Variants in ZBED1 observed in about 807,000 individuals in gnomAD.
The protein encoded by ZBED1 is E3 SUMO-protein ligase ZBED1.
In ZBED1, 19 loss-of-function variants were observed where a neutral mutation model predicts 49.7. The ratio of observed to expected loss-of-function variants is 0.38; its 90% CI spans 0.27 to 0.56. ZBED1 has a LOEUF of 0.56. ZBED1 is among the 20% of genes least tolerant of loss of function. The pLI, the probability that ZBED1 is intolerant of heterozygous loss-of-function variation, is 0.70. For synonymous variants in ZBED1, 439 were observed against 440.3 expected, an observed-to-expected ratio of 1.00 and a Z score of 0.04; for missense variants, 806 against 972.6, an observed-to-expected ratio of 0.83 and a Z score of 2.28.
At chrX:2,495,285 T>A (rs1172470778) in intron 1 of ZBED1, among the ~76,000 whole-genome samples, 1 of 151,684 alleles carries the variant, frequency 6.6e-6, no homozygotes, top group Non-Finnish European at 1.5e-5. Flanking sequence ...TTATTATCAT[T>A]ATTCCTATTG....
At chrX:2,499,126 A>G (rs5939513) in intron 1 of ZBED1, among the ~76,000 whole-genome samples, 96,731 of 151,818 alleles carry the variant, frequency 0.64, 31,026 homozygotes, top group South Asian at 0.77. Flanking sequence ...GACCCCTGGG[A>G]TTCCTTCAGT....
intron 1 of ZBED1, among the ~76,000 whole-genome samples, chrX:2,496,200 G>T (rs1429224924): frequency 2.0e-5 from 3 of 151,782 alleles, no homozygotes; most frequent in Non-Finnish European, 4.4e-5. Flanking sequence ...TTGTTTTTTT[G>T]TTTTTTTGGT....
intron 1 of ZBED1, among the ~76,000 whole-genome samples, chrX:2,496,494 C>T (rs1257027262): frequency 2.0e-5 from 3 of 152,222 alleles, no homozygotes; most frequent in South Asian, 2.1e-4. Flanking sequence ...CCACCGCACC[C>T]GGCCCGCCAA....
At chrX:2,495,435 G>T (rs1569349741) in intron 1 of ZBED1, among the ~76,000 whole-genome samples, 1 of 152,040 alleles carries the variant, frequency 6.6e-6, no homozygotes, top group Admixed American at 6.6e-5. Context: ...GCTGAAACAG[G>T]TCTAGTACCT....
At chrX:2,493,701 G>A (rs755502485) in intron 1 of ZBED1, among the ~76,000 whole-genome samples, 16 of 152,202 alleles carry the variant, frequency 1.1e-4, no homozygotes, top group East Asian at 7.7e-4. Context: ...CAGGCACAGC[G>A]GCTCACGCCT....
intron 1 of ZBED1, among the ~76,000 whole-genome samples, chrX:2,498,277 T>C (rs1341302210): frequency 3.9e-5 from 6 of 152,124 alleles, no homozygotes; most frequent in African/African-American, 1.4e-4. Context: ...AGTGGGGAAA[T>C]TGGCCCTCTT....
intron 1 of ZBED1, among the ~76,000 whole-genome samples, chrX:2,499,893 A>C (rs934271560): frequency 1.3e-5 from 2 of 152,160 alleles, no homozygotes; most frequent in African/African-American, 2.4e-5. Flanking sequence ...ACTTTAAAAC[A>C]TTAGTCGGAT....
chrX:2,490,158 G>A lies in ZBED1; in HGVS notation c.562C>T (p.Leu188=). The A allele has an allele frequency of 6.2e-7, 1 of 1,613,968 alleles. No homozygotes were observed. The change falls in exon 2 of 2, where the codon CTG becomes TTG. Residue 188 remains leucine, a synonymous_variant. Transcript: ENST00000652001. ...ATGCCACACCAGGTGGCCTCGGCCA[G>A]CTCCTTCAGGATCACCTCCCGGACG... ...GAVREVILKE[L]AEATWCGIST...
In ZBED1 at chrX:2,489,905, C is replaced by A. The variant is rs1365692512; in HGVS notation, c.815G>T (p.Gly272Val). Reference sequence around the variant, plus strand: ...GGAGCACGCCTTCACGATGTCCTTGCCATAGTTGGTGGTGGCCCCGAAGAC... The same window carrying A: ...GGAGCACGCCTTCACGATGTCCTTGACATAGTTGGTGGTGGCCCCGAAGAC... ...AKVFGATTNY[G>V]KDIVKACSLL... is the part of the protein sequence containing the mutation. Residue 272 changes from glycine to valine, a missense_variant, in exon 2 of 2, where the codon GGC (glycine) becomes GTC (valine). Gly to Val is a moderately radical substitution (Grantham distance 109). Transcript: ENST00000652001. The A allele has an allele frequency of 6.2e-7, 1 of 1,613,890 alleles. No individual in the cohort carries two copies. Among genetic ancestry groups the A allele is most frequent in the Non-Finnish European group, 8.5e-7 (1 of 1,179,878 alleles).
In ZBED1 at chrX:2,489,732, A is replaced by G. The variant is rs1461045387; in HGVS notation, c.988T>C (p.Tyr330His). ...TGCTTCTGCTTCTCATAGAGCATGT[A>G]CATGGCCACGGCAGACTGCTGGAAG... Reference protein sequence around the residue: ...EYFQQSAVAMYMLYEKQKQQN... With the variant: ...EYFQQSAVAMHMLYEKQKQQN... The change falls in exon 2 of 2, where the codon TAC becomes CAC. Residue 330 changes from tyrosine to histidine, a missense_variant. By Grantham distance (83) the Tyr-to-His change is moderately conservative. Coordinates refer to ENST00000652001, the MANE Select transcript of ZBED1 (RefSeq NM_001171136.2). 2.5e-6 allele frequency: 4 copies of G among 1,613,110 alleles called. No homozygotes were observed. Among genetic ancestry groups the G allele is most frequent in the Non-Finnish European group, 3.4e-6 (4 of 1,179,862 alleles).
In ZBED1 at chrX:2,490,056, C is replaced by T. The variant is rs199725990; in HGVS notation, c.664G>A (p.Ala222Thr). The T allele has an allele frequency of 9.3e-6, 15 of 1,613,578 alleles. No homozygotes were observed. Among genetic ancestry groups the T allele is most frequent in the Middle Eastern group, 1.7e-4 (1 of 6,018 alleles). The change falls in exon 2 of 2, where the codon GCC (alanine) becomes ACC (threonine). Residue 222 changes from alanine (A) to threonine (T), a missense_variant. By Grantham distance (58) the Ala-to-Thr change is moderately conservative. Coordinates refer to ENST00000652001, the MANE Select transcript of ZBED1 (RefSeq NM_001171136.2). The part of the protein sequence containing the change: ...TLAAHFLGLG[A>T]PNCLSMGSRC... ...GAGCCCATGGACAGGCAGTTGGGGG[C>T]GCCCAGGCCCAGGAAGTGGGCGGCC...
Position 2,500,868 on chromosome X carries a change from C to T in ZBED1, c.-105G>A. Reference sequence around the variant, plus strand: ...CGCCGCAGCAGCTGCGCCAGGATCACCGCGGCGCCTACCGCGTAGACCCGC... The same window carrying T: ...CGCCGCAGCAGCTGCGCCAGGATCATCGCGGCGCCTACCGCGTAGACCCGC... On this transcript the variant is annotated 5_prime_UTR_variant, in exon 1 of 2. The change creates a new upstream start codon in the 5' untranslated region. Transcript: ENST00000652001. The T allele has an allele frequency of 8.6e-7, 1 of 1,161,052 alleles. No homozygotes were observed. The highest frequency in any genetic ancestry group is 1.1e-6 in the Non-Finnish European group (1 of 936,002). 71.9% of individuals were successfully genotyped at this position (1,161,052 alleles called of 1,614,324 possible).
Position 2,488,828 on chromosome X carries a change from G to A in ZBED1, c.1892C>T (p.Ala631Val). ...CGCGGGAGCCAGCCGGTTCCTCTTG[G>A]CGCTGACCACGTTGGCGGCGGATCC... ...LFGSAANVVS[A>V]KRNRLAPAHV... Residue 631 changes from alanine to valine, a missense_variant, in exon 2 of 2, where the codon GCC becomes GTC. Ala to Val is a moderately conservative substitution (Grantham distance 64). Around this residue, in one of 2 missense-constraint regions of ZBED1, gnomAD observed 749 missense variants for 861.3 expected, o/e 0.87. Coordinates refer to ENST00000652001, the MANE Select transcript of ZBED1 (RefSeq NM_001171136.2). The A allele has an allele frequency of 6.2e-7, 1 of 1,613,878 alleles. No individual in the cohort carries two copies. The highest frequency in any genetic ancestry group is 1.1e-5 in the South Asian group (1 of 91,058).
At chrX:2,493,022 G>A (rs2045194853) in intron 1 of ZBED1, among the ~76,000 whole-genome samples, 2 of 152,214 alleles carry the variant, frequency 1.3e-5, no homozygotes, top group African/African-American at 2.4e-5. Context: ...GGGAGACGCC[G>A]CCACGTGCCA....
chrX:2,500,690 C>G (rs1232909159), intron 1 of ZBED1, 127 bp downstream of exon 1: 2 of 191,574 alleles, frequency 1.0e-5, no homozygotes, highest in East Asian at 3.3e-4. Flanking sequence ...TCGACCCCCG[C>G]CCAGCCCCAC....
At position 2,489,542 on chromosome X, in the gene ZBED1, G is replaced by A. The variant is rs1356890395; in HGVS notation, c.1178C>T (p.Thr393Ile). ...HLMLEASEWA[T>I]IEGLVELLQP... ...CAGGAGCTCCACCAGCCCCTCGATG[G>A]TGGCCCACTCGCTGGCCTCCAGCAT... The change falls in exon 2 of 2, where the codon ACC becomes ATC. Residue 393 changes from threonine (T) to isoleucine (I), a missense_variant. Coordinates refer to ENST00000652001, the MANE Select transcript of ZBED1 (RefSeq NM_001171136.2). The A allele has an allele frequency of 1.9e-6, 3 of 1,612,852 alleles. No homozygotes were observed. Among genetic ancestry groups the A allele is most frequent in the South Asian group, 2.2e-5 (2 of 91,022 alleles).
rs1255514331 is a variant in ZBED1 at position 2,490,169 on chromosome X, A to G, written c.551T>C (p.Ile184Thr). 6.2e-7 allele frequency: 1 copy of G among 1,613,898 alleles called. No individual in the cohort carries two copies. Among genetic ancestry groups the G allele is most frequent in the South Asian group, 1.1e-5 (1 of 91,072 alleles). The change falls in exon 2 of 2, where the codon ATC (isoleucine) becomes ACC (threonine). Residue 184 changes from isoleucine to threonine, a missense_variant. Coordinates refer to ENST00000652001, the MANE Select transcript of ZBED1 (RefSeq NM_001171136.2). ...GGTGGCCTCGGCCAGCTCCTTCAGGATCACCTCCCGGACGGCCCCGTACTT... is the reference window on the plus strand; with the variant it reads ...GGTGGCCTCGGCCAGCTCCTTCAGGGTCACCTCCCGGACGGCCCCGTACTT... ...PEKYGAVREV[I>T]LKELAEATWC...
intron 1 of ZBED1, among the ~76,000 whole-genome samples, chrX:2,498,464 T>G (rs1278972275): frequency 6.6e-6 from 1 of 152,072 alleles, no homozygotes; most frequent in Non-Finnish European, 1.5e-5. Context: ...AATCCATACA[T>G]AGGAAGGGGC....
chrX:2,487,338 G>C lies in ZBED1; in HGVS notation c.*1297C>G, dbSNP rs2044967697. On this transcript the variant is annotated 3_prime_UTR_variant, in exon 2 of 2. Transcript: ENST00000652001. ...GGACTTTTAGGGCTGAGACACCGAA[G>C]ACATAACCTCCGGACCCGTGAGCCA... The C allele has an allele frequency of 6.6e-6, 1 of 152,052 alleles. No individual in the cohort carries two copies. Among genetic ancestry groups the C allele is most frequent in the Non-Finnish European group, 1.5e-5 (1 of 68,044 alleles). The allele number at this position is 152,052 out of a possible 1,614,324, so 9.4% of individuals were successfully genotyped here. A position where few individuals can be genotyped will look rare whatever the true frequency, so the allele number is the denominator to read the frequency against.
Sources: allele counts gnomAD v4.1 joint callset (sites outside exome capture counted in the v4.1 genomes callset), GRCh38; gene constraint gnomAD v4.1.1; regional missense constraint gnomAD v4.1.1; transcripts MANE v1.5; gene names NCBI Gene and HGNC (gene_info 2026-07-23, HGNC 2026-07-21).